EBF2: variants seen among roughly 807,000 people sequenced by gnomAD.
EBF2 encodes transcription factor COE2.
Under a neutral mutation model 72.8 loss-of-function variants are expected in EBF2, and 21 were observed. The observed-to-expected ratio is 0.29, with a 90% CI of 0.20 to 0.42. The LOEUF is 0.42. Among genes scored for constraint, EBF2 ranks in the 10% least tolerant of loss-of-function variants. The pLI is 1.00. For missense variants in EBF2, 637 were observed against 731.2 expected (o/e 0.87, Z 1.49); for synonymous variants, 299 against 274.2 (o/e 1.09, Z -0.89).
At chr8:26,019,296 C>CAAAAAA (rs10644837) in intron 6 of EBF2, among the ~76,000 whole-genome samples, 1 of 137,142 alleles carries the variant, frequency 7.3e-6, no homozygotes. Flanking sequence ...CTGTAAAACT[C>CAAAAAA]AAAAAAAAAA....
chr8:25,959,006 C>A (rs920738637), intron 6 of EBF2, among the ~76,000 whole-genome samples: 27 of 152,170 alleles, frequency 1.8e-4, no homozygotes, highest in Admixed American at 6.5e-5. Context: ...GCTTTGGGAA[C>A]CTCATAAGGT....
intron 10 of EBF2, among the ~76,000 whole-genome samples, chr8:25,879,374 C>T (rs1050906469): frequency 2.0e-5 from 3 of 152,182 alleles, no homozygotes; most frequent in African/African-American, 7.2e-5. Context: ...GAACGGTCTT[C>T]CAGCAAACTC....
chr8:25,952,548 A>G (rs1803880551), intron 6 of EBF2, among the ~76,000 whole-genome samples: 1 of 152,178 alleles, frequency 6.6e-6, no homozygotes, highest in African/African-American at 2.4e-5. Context: ...CCAGGCAGTC[A>G]TTAGGTAAGG....
chr8:25,860,529 A>T lies in EBF2; in HGVS notation c.1342+520T>A, dbSNP rs1802194004. 1.4e-5 allele frequency among the ~76,000 whole-genome samples: 2 copies of T among 145,986 alleles called. 1 individual carries two copies. The highest frequency in any genetic ancestry group is 4.3e-4 in the South Asian group (2 of 4,648). ...GAGACAGGTTCTCGCTCTGTTGCCC[A>T]GGCTGGAGTGCACTGTCACACTGCA... On this transcript the variant is annotated intron_variant, in intron 13 of 15. Transcript: ENST00000520164.
intron 6 of EBF2, among the ~76,000 whole-genome samples, chr8:25,987,033 A>AT (rs1026654566): frequency 7.1e-6 from 1 of 140,484 alleles, no homozygotes; most frequent in African/African-American, 2.5e-5. Context: ...ACTGGTCTAG[A>AT]TTTTACCCTG....
intron 7 of EBF2, among the ~76,000 whole-genome samples, chr8:25,895,460 T>C (rs1261932930): frequency 6.6e-6 from 1 of 152,254 alleles, no homozygotes; most frequent in East Asian, 1.9e-4. Flanking sequence ...TTTAATTATA[T>C]GGCAATGTTA....
At chr8:25,863,809 G>T (rs992289174) in intron 10 of EBF2, among the ~76,000 whole-genome samples, 1 of 151,980 alleles carries the variant, frequency 6.6e-6, no homozygotes, top group Non-Finnish European at 1.5e-5. Flanking sequence ...ACATGAGCTG[G>T]ATTAACATTT....
At chr8:25,903,479 A>AG (rs1802988758) in intron 7 of EBF2, among the ~76,000 whole-genome samples, 1 of 152,122 alleles carries the variant, frequency 6.6e-6, no homozygotes, top group Non-Finnish European at 1.5e-5. Flanking sequence ...GTGGATCACG[A>AG]GGTCAGGAAA....
intron 6 of EBF2, among the ~76,000 whole-genome samples, chr8:25,922,591 A>T (rs1293525493): frequency 6.6e-6 from 1 of 152,234 alleles, no homozygotes; most frequent in Non-Finnish European, 1.5e-5. Context: ...TTAAGTCAAC[A>T]CACTCACATC....
chr8:25,860,944 G>C, intron 13 of EBF2, 105 bp downstream of exon 13: 1 of 1,233,910 alleles, frequency 8.1e-7, no homozygotes, highest in Non-Finnish European at 1.2e-6. Flanking sequence ...CCTATCTGTG[G>C]ACACACTCTG....
At chr8:25,884,129 C>A (rs924766194) in intron 10 of EBF2, among the ~76,000 whole-genome samples, 3 of 152,148 alleles carry the variant, frequency 2.0e-5, no homozygotes, top group African/African-American at 4.8e-5. Flanking sequence ...GACTTTCCAA[C>A]CTCATCTCCC....
At chr8:26,024,381 C>A (rs1157928274) in intron 6 of EBF2, among the ~76,000 whole-genome samples, 1 of 152,042 alleles carries the variant, frequency 6.6e-6, no homozygotes, top group Non-Finnish European at 1.5e-5. Context: ...CATATAAACT[C>A]CAAGCTCTTA....
Position 25,843,787 on chromosome 8 carries a change from G to C in EBF2, c.*822C>G, listed in dbSNP as rs1475189558. On this transcript the variant is annotated 3_prime_UTR_variant, in exon 16 of 16. Transcript: ENST00000520164. ...GTTTCTGCATTAGGGTGTTCTGTGG[G>C]AATCTACATGTTCTTGCCCTTGGGT... is the stretch of plus-strand genomic sequence containing the variant. The C allele has an allele frequency of 6.6e-6, 1 of 152,230 alleles. No individual in the cohort carries two copies. Among genetic ancestry groups the C allele is most frequent in the Non-Finnish European group, 1.5e-5 (1 of 68,042 alleles). The allele number at this position is 152,230 out of a possible 1,614,324, so 9.4% of individuals were successfully genotyped here. A position where few individuals can be genotyped will look rare whatever the true frequency, so the allele number is the denominator to read the frequency against.
At chr8:25,904,760 A>T (rs1159991204) in intron 7 of EBF2, among the ~76,000 whole-genome samples, 1 of 152,162 alleles carries the variant, frequency 6.6e-6, no homozygotes, top group African/African-American at 2.4e-5. Flanking sequence ...CTTGACTATG[A>T]TAGCATATTG....
intron 7 of EBF2, among the ~76,000 whole-genome samples, chr8:25,903,810 C>A (rs1336025941): frequency 6.6e-6 from 1 of 152,130 alleles, no homozygotes; most frequent in Non-Finnish European, 1.5e-5. Context: ...GACACTTTGA[C>A]AATGAAAGAG....
chr8:25,870,707 C>T (rs2117273017), intron 10 of EBF2, among the ~76,000 whole-genome samples: 1 of 152,298 alleles, frequency 6.6e-6, no homozygotes, highest in South Asian at 2.1e-4. Context: ...GCCCTCCCCT[C>T]CCCAGCTCCC....
intron 6 of EBF2, among the ~76,000 whole-genome samples, chr8:25,920,332 T>C (rs1263296961): frequency 6.6e-6 from 1 of 152,244 alleles, no homozygotes; most frequent in Non-Finnish European, 1.5e-5. Context: ...AAGTGCTTAA[T>C]GGCTAAACTC....
chr8:25,997,330 G>T (rs1191349332), intron 6 of EBF2, among the ~76,000 whole-genome samples: 1 of 152,148 alleles, frequency 6.6e-6, no homozygotes, highest in African/African-American at 2.4e-5. Flanking sequence ...TAGCACTTTG[G>T]GAGGCCAAGG....
At chr8:26,022,205 T>C (rs1427416597) in intron 6 of EBF2, among the ~76,000 whole-genome samples, 1 of 152,222 alleles carries the variant, frequency 6.6e-6, no homozygotes, top group Non-Finnish European at 1.5e-5. Context: ...GGGAGCTGGA[T>C]ACCTTGTCTC....
Sources: allele counts gnomAD v4.1 joint callset (sites outside exome capture counted in the v4.1 genomes callset), GRCh38; gene constraint gnomAD v4.1.1; transcripts MANE v1.5; gene names NCBI Gene and HGNC (gene_info 2026-07-23, HGNC 2026-07-21).